Variants in FILIP1L observed in about 807,000 individuals in gnomAD.
FILIP1L encodes filamin A-interacting protein 1-like.
FILIP1L carries 55 observed loss-of-function variants against 96.6 expected under a neutral mutation model. That is an observed-to-expected ratio of 0.57 (90% confidence interval 0.46 to 0.71). The LOEUF is 0.71. Ranked by LOEUF, FILIP1L falls within the 30% of genes least tolerant of loss-of-function variation. The probability of loss-of-function intolerance (pLI) is 0.00; values close to 1 mark genes in which losing one functional copy is unlikely to be tolerated. For missense variants in FILIP1L, 1,304 were observed against 1,321.2 expected (o/e 0.99, Z 0.20); for synonymous variants, 467 against 473.9 (o/e 0.99, Z 0.19).
At chr3:100,069,159 A>G (rs1350095960) in intron 1 of FILIP1L, among the ~76,000 whole-genome samples, 1 of 152,142 alleles carries the variant, frequency 6.6e-6, no homozygotes, top group African/African-American at 2.4e-5. Context: ...CTTTAAGGTC[A>G]GTGGCATCAA....
chr3:99,873,589 T>C lies in FILIP1L; in HGVS notation c.606-22519A>G, dbSNP rs141243390. Among the ~76,000 whole-genome samples the C allele has an allele frequency of 2.8e-3, 424 of 152,362 alleles. 1 individual carries two copies. Among genetic ancestry groups the C allele is most frequent in the African/African-American group, 9.4e-3 (392 of 41,586 alleles). On this transcript the variant is annotated intron_variant, in intron 4 of 5. Coordinates refer to ENST00000477258, the MANE Select transcript of FILIP1L (RefSeq NM_001387850.1). ...ACAGAACATGACCTAAGCAGAATTA[T>C]TGGAATCTTATTCTTCCTCCTACAT... is the stretch of plus-strand genomic sequence containing the variant.
chr3:99,959,394 C>T (rs1708429322), intron 1 of FILIP1L, among the ~76,000 whole-genome samples: 1 of 152,202 alleles, frequency 6.6e-6, no homozygotes, highest in African/African-American at 2.4e-5. Flanking sequence ...TTGTGATCTG[C>T]CTGACTCAGA....
At chr3:99,957,373 C>A (rs902185922) in intron 1 of FILIP1L, among the ~76,000 whole-genome samples, 2 of 151,980 alleles carry the variant, frequency 1.3e-5, no homozygotes, top group Non-Finnish European at 2.9e-5. Context: ...AGACTTGAAG[C>A]CAGAATGTTG....
intron 4 of FILIP1L, among the ~76,000 whole-genome samples, chr3:99,887,459 G>A (rs1000657654): frequency 6.6e-6 from 1 of 152,194 alleles, no homozygotes; most frequent in Non-Finnish European, 1.5e-5. Context: ...AATTGTGCAT[G>A]TGGTGGCTAT....
chr3:99,904,881 A>C (rs917108813), intron 4 of FILIP1L, among the ~76,000 whole-genome samples: 9 of 152,110 alleles, frequency 5.9e-5, no homozygotes, highest in African/African-American at 2.2e-4. Context: ...CTCTTGAAGG[A>C]GTATTATTAC....
intron 4 of FILIP1L, among the ~76,000 whole-genome samples, chr3:99,861,173 ATTG>A (rs775862299): frequency 4.0e-5 from 6 of 151,504 alleles, no homozygotes; most frequent in Non-Finnish European, 8.8e-5. Context: ...TTCCATTTTG[ATTG>A]TTAATACACC....
At chr3:99,880,403 A>G (rs1332418560) in intron 4 of FILIP1L, among the ~76,000 whole-genome samples, 1 of 152,196 alleles carries the variant, frequency 6.6e-6, no homozygotes, top group African/African-American at 2.4e-5. Flanking sequence ...TATGAACTGC[A>G]GGTCTATATA....
intron 1 of FILIP1L, among the ~76,000 whole-genome samples, chr3:99,932,102 CT>C: frequency 6.6e-6 from 1 of 152,200 alleles, no homozygotes; most frequent in East Asian, 1.9e-4. Context: ...TAATAATTTA[CT>C]GTATATTAGA....
At chr3:100,040,253 G>T (rs531608376) in intron 1 of FILIP1L, 1 of 152,130 alleles carries the variant, frequency 6.6e-6, no homozygotes, top group Middle Eastern at 3.4e-3. Context: ...CTCTCTTGTG[G>T]CTTATTTGCA....
At chr3:99,831,826 C>T (rs1041055964) in intron 5 of FILIP1L, among the ~76,000 whole-genome samples, 1 of 152,204 alleles carries the variant, frequency 6.6e-6, no homozygotes, top group African/African-American at 2.4e-5. Flanking sequence ...TTCTTCAACT[C>T]AGGTGGTTGG....
intron 4 of FILIP1L, chr3:99,876,309 C>T (rs554567208): frequency 4.8e-5 from 28 of 587,594 alleles, no homozygotes; most frequent in African/African-American, 4.4e-4. Context: ...GGCGCAGCCA[C>T]ACACCCCAGC....
intron 1 of FILIP1L, among the ~76,000 whole-genome samples, chr3:100,003,439 T>C (rs944921101): frequency 1.3e-5 from 2 of 152,208 alleles, no homozygotes; most frequent in Non-Finnish European, 2.9e-5. Flanking sequence ...CTGTAGCAAG[T>C]GCCTACCATG....
chr3:99,855,141 C>T (rs1943896927), intron 4 of FILIP1L, among the ~76,000 whole-genome samples: 1 of 152,132 alleles, frequency 6.6e-6, no homozygotes, highest in South Asian at 2.1e-4. Context: ...TTGATTTATA[C>T]CCAGTCTGCA....
intron 4 of FILIP1L, among the ~76,000 whole-genome samples, chr3:99,894,681 A>AT (rs1368728662): frequency 6.6e-6 from 1 of 152,202 alleles, no homozygotes; most frequent in Admixed American, 6.5e-5. Flanking sequence ...TAAAAACGAT[A>AT]TTATTAATTA....
chr3:100,099,998 A>T (rs189284015), intron 1 of FILIP1L, among the ~76,000 whole-genome samples: 1 of 152,308 alleles, frequency 6.6e-6, no homozygotes, highest in African/African-American at 2.4e-5. Flanking sequence ...GGAGAGAAAA[A>T]AGTTTGACAC....
intron 1 of FILIP1L, among the ~76,000 whole-genome samples, chr3:99,937,323 C>T (rs534587984): frequency 2.1e-4 from 32 of 152,320 alleles, no homozygotes; most frequent in Admixed American, 4.6e-4. Flanking sequence ...AACATAAATT[C>T]ACAAACCCCT....
Position 99,829,820 on chromosome 3 carries a change from A to C in FILIP1L, c.*594T>G, listed in dbSNP as rs1942615287. The stretch of plus-strand genomic sequence containing the variant: ...TATGCTTACTACACCAGTGATTGTC[A>C]GGTATTCTGCACAAAGGATATATTC... On this transcript the variant is annotated 3_prime_UTR_variant, in exon 6 of 6. Coordinates refer to ENST00000477258, the MANE Select transcript of FILIP1L (RefSeq NM_001387850.1). 6.6e-6 allele frequency among the ~76,000 whole-genome samples: 1 copy of C among 152,202 alleles called. No homozygotes were observed. Among genetic ancestry groups the C allele is most frequent in the Non-Finnish European group, 1.5e-5 (1 of 68,030 alleles).
At chr3:100,087,197 T>C (rs1299087022) in intron 1 of FILIP1L, among the ~76,000 whole-genome samples, 2 of 152,236 alleles carry the variant, frequency 1.3e-5, no homozygotes, top group Admixed American at 1.3e-4. Flanking sequence ...GTAGCTTTCT[T>C]GTGAGTGTTT....
intron 1 of FILIP1L, among the ~76,000 whole-genome samples, chr3:99,946,396 T>C (rs1285644709): frequency 1.3e-5 from 2 of 152,238 alleles, no homozygotes; most frequent in African/African-American, 4.8e-5. Context: ...AGAAAGGGTG[T>C]GTAAGCAGTA....
Sources: gnomAD v4.1 joint callset for allele counts (sites outside exome capture counted in the v4.1 genomes callset) on GRCh38, gnomAD v4.1.1 for gene constraint, MANE v1.5 for transcripts, NCBI Gene and HGNC (gene_info 2026-07-23, HGNC 2026-07-21) for gene names.